The following ODAD2 variants were observed in gnomAD, a reference collection of about 807,000 sequenced individuals.
The protein encoded by ODAD2 is outer dynein arm-docking complex subunit 2.
In ODAD2, 89 loss-of-function variants were observed where a neutral mutation model predicts 106.8. The observed-to-expected ratio is 0.83, with a 90% CI of 0.70 to 0.99. ODAD2 has a LOEUF of 0.99. Among genes scored for constraint, ODAD2 ranks in the 50% least tolerant of loss-of-function variants. The pLI, the probability that ODAD2 is intolerant of heterozygous loss-of-function variation, is 0.00. For synonymous variants in ODAD2, 404 were observed against 436.2 expected, an observed-to-expected ratio of 0.93 and a Z score of 0.92; for missense variants, 1,168 against 1,238.5, an observed-to-expected ratio of 0.94 and a Z score of 0.85.
intron 17 of ODAD2, among the ~76,000 whole-genome samples, chr10:27,868,668 T>C (rs953689461): frequency 7.2e-5 from 11 of 151,736 alleles, no homozygotes; most frequent in African/African-American, 2.4e-4. Context: ...ATAACACACA[T>C]TGGGGCCTGC....
rs1395167068 is a variant in ODAD2 at position 27,963,210 on chromosome 10, T to C, written c.1239-1495A>G. On this transcript the variant is annotated intron_variant, in intron 9 of 19. Coordinates refer to ENST00000305242, the MANE Select transcript of ODAD2 (RefSeq NM_018076.5). The stretch of plus-strand genomic sequence containing the variant: ...TTTAGTAGTGACGGGATTTTCACCA[T>C]GTTGGCCAGGCTGGTCTCGAACTCT... Among the ~76,000 whole-genome samples, 7 of 152,220 alleles carry C rather than the reference T, an allele frequency of 4.6e-5. 1 individual carries two copies. The highest frequency in any genetic ancestry group is 3.9e-4 in the East Asian group (2 of 5,168).
chr10:27,848,877 G>T (rs1343153292), intron 19 of ODAD2, among the ~76,000 whole-genome samples: 1 of 152,058 alleles, frequency 6.6e-6, no homozygotes, highest in African/African-American at 2.4e-5. Context: ...AGTTAGAATG[G>T]CGATCATTAA....
chr10:27,933,354 T>A (rs533291451), intron 16 of ODAD2, among the ~76,000 whole-genome samples: 105 of 152,206 alleles, frequency 6.9e-4, no homozygotes, highest in Non-Finnish European at 1.0e-3. Flanking sequence ...TAAGACAAAA[T>A]GCTTTGAATA....
At chr10:27,819,585 A>T (rs943694140) in intron 19 of ODAD2, among the ~76,000 whole-genome samples, 1 of 150,520 alleles carries the variant, frequency 6.6e-6, no homozygotes, top group African/African-American at 2.4e-5. Context: ...AAAAAAAAAA[A>T]AAAAAAAAAA....
At chr10:27,916,741 C>A (rs936415103) in intron 16 of ODAD2, among the ~76,000 whole-genome samples, 1 of 152,072 alleles carries the variant, frequency 6.6e-6, no homozygotes, top group Non-Finnish European at 1.5e-5. Context: ...CAGTATATAA[C>A]AACAAAATAT....
intron 19 of ODAD2, among the ~76,000 whole-genome samples, chr10:27,859,064 T>TTC (rs1333884055): frequency 6.6e-6 from 1 of 151,848 alleles, no homozygotes; most frequent in Non-Finnish European, 1.5e-5. Context: ...TTCTTTTTTT[T>TTC]TTAAGACTGC....
At chr10:27,941,501 A>G (rs77280977) in intron 12 of ODAD2, among the ~76,000 whole-genome samples, 1 of 31,618 alleles carries the variant, frequency 3.2e-5, no homozygotes, top group Non-Finnish European at 7.0e-5. Flanking sequence ...CAAAAAAAAG[A>G]AAAAAAAAAA....
At chr10:27,885,720 A>G (rs1243817081) in intron 17 of ODAD2, among the ~76,000 whole-genome samples, 2 of 41,916 alleles carry the variant, frequency 4.8e-5, no homozygotes, top group African/African-American at 1.5e-4. Context: ...TATATTATAT[A>G]TTATATATAA....
chr10:27,830,030 T>C (rs1385091538), intron 19 of ODAD2, among the ~76,000 whole-genome samples: 2 of 152,160 alleles, frequency 1.3e-5, no homozygotes, highest in Non-Finnish European at 2.9e-5. Context: ...CATACATATG[T>C]AGGATAAAAT....
Position 27,983,895 on chromosome 10 carries a change from T to C in ODAD2, c.767A>G (p.Asp256Gly), listed in dbSNP as rs774028749. The C allele has an allele frequency of 3.8e-5, 61 of 1,612,194 alleles. No individual in the cohort carries two copies. Among genetic ancestry groups the C allele is most frequent in the Non-Finnish European group, 5.2e-5 (61 of 1,179,558 alleles). ...EICYVLVKPH[D>G]GETLCITCSA... ...GCAAGTAATGCACAGAGTCTCACCA[T>C]CGTGAGGTTTCACCAGCACATAACA... Residue 256 changes from aspartate to glycine, a missense_variant, in exon 6 of 20, where the codon GAT becomes GGT. Transcript: ENST00000305242.
intron 17 of ODAD2, among the ~76,000 whole-genome samples, chr10:27,881,143 A>G (rs1841678650): frequency 6.6e-6 from 1 of 152,226 alleles, no homozygotes; most frequent in African/African-American, 2.4e-5. Flanking sequence ...TTAAGCATAC[A>G]GCAAGATGTC....
chr10:27,976,058 C>T (rs1849169783), intron 7 of ODAD2, among the ~76,000 whole-genome samples: 1 of 152,098 alleles, frequency 6.6e-6, no homozygotes, highest in Admixed American at 6.5e-5. Flanking sequence ...ATTCTCTCCA[C>T]AGTACACAAA....
rs1849724796 is a variant in ODAD2 at position 27,984,056 on chromosome 10, A to T, written c.683-77T>A. ...TAAAAAGTGTTGGCTTCCACAAAAT[A>T]AATATTGTGGAAATTTTAAGCTTTC... On this transcript the variant is annotated intron_variant, in intron 5 of 19. Transcript: ENST00000305242. 7.8e-6 allele frequency: 12 copies of T among 1,537,028 alleles called. 1 individual carries two copies. The South Asian group carries it at 1.4e-4, about 18-fold the overall frequency.
At chr10:27,885,812 T>A (rs369474179) in intron 17 of ODAD2, among the ~76,000 whole-genome samples, 40 of 49,410 alleles carry the variant, frequency 8.1e-4, no homozygotes, top group African/African-American at 1.1e-3. Flanking sequence ...AAAATATATA[T>A]TATATATAAT....
intron 16 of ODAD2, among the ~76,000 whole-genome samples, chr10:27,923,782 T>C (rs1314773023): frequency 6.6e-6 from 1 of 151,734 alleles, no homozygotes; most frequent in Non-Finnish European, 1.5e-5. Context: ...ACCACATCTC[T>C]ACAAAAAATT....
intron 19 of ODAD2, among the ~76,000 whole-genome samples, chr10:27,812,953 T>C (rs1346916253): frequency 1.3e-5 from 2 of 152,182 alleles, no homozygotes; most frequent in East Asian, 3.9e-4. Flanking sequence ...GCCAACAGCA[T>C]ACCATGCTTA....
At chr10:27,927,454 A>G (rs1358998819) in intron 16 of ODAD2, among the ~76,000 whole-genome samples, 3 of 152,166 alleles carry the variant, frequency 2.0e-5, no homozygotes, top group Admixed American at 6.5e-5. Flanking sequence ...AGGTCCTATA[A>G]ATCTAGCAAT....
At chr10:27,983,203 C>T (rs951843176) in intron 6 of ODAD2, among the ~76,000 whole-genome samples, 8 of 152,218 alleles carry the variant, frequency 5.3e-5, no homozygotes, top group Admixed American at 1.3e-4. Flanking sequence ...TGGGAAATAT[C>T]ACTATCAGTC....
chr10:27,823,402 T>C (rs914759075), intron 19 of ODAD2, among the ~76,000 whole-genome samples: 5 of 152,206 alleles, frequency 3.3e-5, no homozygotes, highest in Admixed American at 2.6e-4. Flanking sequence ...GTAAAGTGGC[T>C]ATGAGTTTAT....
Sources: allele counts gnomAD v4.1 joint callset (sites outside exome capture counted in the v4.1 genomes callset), GRCh38; gene constraint gnomAD v4.1.1; transcripts MANE v1.5; gene names NCBI Gene and HGNC (gene_info 2026-07-23, HGNC 2026-07-21).